Variants in ANKDD1A observed in about 807,000 individuals in gnomAD.
ANKDD1A encodes the protein ankyrin repeat and death domain containing 1A.
ANKDD1A carries 59 observed loss-of-function variants against 63.5 expected under a neutral mutation model. That is an observed-to-expected ratio of 0.93 (90% CI 0.75 to 1.15). The LOEUF (loss-of-function observed/expected upper bound fraction) is 1.15. Ranked by LOEUF, ANKDD1A falls within the 50% of genes most tolerant of loss-of-function variation. The pLI is 0.00. For synonymous variants in ANKDD1A, 266 were observed against 263.9 expected (o/e 1.01, Z -0.08); for missense variants, 632 against 656.4 (o/e 0.96, Z 0.41).
At chr15:64,917,574 G>A in intron 3 of ANKDD1A, 60 bp downstream of exon 3, 2 of 1,517,592 alleles carry the variant, frequency 1.3e-6, no homozygotes, top group Non-Finnish European at 1.8e-6. Flanking sequence ...ATCTCTCTGG[G>A]TCTATGAGCC....
rs116463670 is a variant in ANKDD1A at position 64,934,741 on chromosome 15, C to A, written c.867+507C>A. Among the ~76,000 whole-genome samples the A allele has an allele frequency of 7.7e-3, 1,154 of 149,212 alleles. 14 individuals are homozygous for A. The highest frequency in any genetic ancestry group is 0.027 in the African/African-American group (1,090 of 40,564). On this transcript the variant is annotated intron_variant, in intron 9 of 14. Coordinates refer to ENST00000319580, the MANE Select transcript of ANKDD1A (RefSeq NM_182703.6). ...CCATGTTGGCCAGGCTGGTCTTGAA[C>A]CCCTGACTCAAGTGATTCGCCAGCC...
In ANKDD1A at chr15:64,943,575, G is replaced by A. The variant is rs2085201568; in HGVS notation, c.1058G>A (p.Arg353Lys). The change falls in exon 11 of 15, where the codon AGA becomes AAA. Residue 353 changes from arginine to lysine, a missense_variant. By Grantham distance (26) the Arg-to-Lys change is conservative (BLOSUM62 2). Coordinates refer to ENST00000319580, the MANE Select transcript of ANKDD1A (RefSeq NM_182703.6). ...LLIAGVDLNL[R>K]DKQGKTALAV... The stretch of plus-strand genomic sequence containing the variant: ...ATTGCTGGGGTTGACTTAAACCTGA[G>A]AGATAAGGTACCTCTGCTTACAACC... 3 of 1,614,016 alleles carry A rather than the reference G, an allele frequency of 1.9e-6. No individual in the cohort carries two copies. In the East Asian group the frequency reaches 6.7e-5, roughly 36 times the overall value.
At chr15:64,948,531 A>G (rs575646751) in intron 13 of ANKDD1A, among the ~76,000 whole-genome samples, 5 of 152,138 alleles carry the variant, frequency 3.3e-5, no homozygotes, top group Admixed American at 2.0e-4. Flanking sequence ...AATTAACATA[A>G]AGAGATATCT....
chr15:64,915,741 T>C (rs896162855), intron 1 of ANKDD1A, 56 bp from the exon 2 acceptor site: 12 of 1,484,424 alleles, frequency 8.1e-6, no homozygotes, highest in African/African-American at 1.4e-5. Context: ...TTACCTCTCC[T>C]GTCTGCAGTG....
At chr15:64,949,787 A>G (rs1254548149) in intron 13 of ANKDD1A, 54 bp from the exon 14 acceptor site, 4 of 1,588,358 alleles carry the variant, frequency 2.5e-6, no homozygotes, top group Non-Finnish European at 3.4e-6. Flanking sequence ...CGCTCTGGTC[A>G]AGTGGCCCCA....
chr15:64,930,934 TG>T lies in ANKDD1A; in HGVS notation c.669+18del. 2 of 1,607,584 alleles carry T rather than the reference TG, an allele frequency of 1.2e-6. No homozygotes were observed. The highest frequency in any genetic ancestry group is 8.5e-7 in the Non-Finnish European group (1 of 1,179,498). On this transcript the variant is annotated intron_variant, in intron 7 of 14. Transcript: ENST00000319580. Reference sequence around the variant, plus strand: ...GAGCAGAATGCGGTGAGTCACCGCCTGGGGATGGCGAGATGCATGACCCTTG... The same window carrying T: ...GAGCAGAATGCGGTGAGTCACCGCCTGGGATGGCGAGATGCATGACCCTTG...
Position 64,931,534 on chromosome 15 carries a change from CTG to C in ANKDD1A, c.722_723del (p.Val241AlafsTer47). ...HSAAGGSHPD[C>X]VQLLLRAGST... ...CGGCTGCTGGAGGATCCCACCCTGA[CTG>C]TGTGCAGCTCCTCCTCAGGGCTGGG... On this transcript the variant is annotated frameshift_variant, in exon 8 of 15. Coordinates refer to ENST00000319580, the MANE Select transcript of ANKDD1A (RefSeq NM_182703.6). LOFTEE classifies it high-confidence loss of function. 1.2e-6 allele frequency: 2 copies of C among 1,614,160 alleles called. No homozygotes were observed. The highest frequency in any genetic ancestry group is 1.7e-6 in the Non-Finnish European group (2 of 1,180,020).
intron 13 of ANKDD1A, among the ~76,000 whole-genome samples, chr15:64,949,340 G>T (rs891719452): frequency 6.6e-6 from 1 of 152,238 alleles, no homozygotes; most frequent in Admixed American, 6.5e-5. Flanking sequence ...TGGGCCCTAG[G>T]TGTTTCCAAG....
At chr15:64,948,863 G>GT (rs2085245342) in intron 13 of ANKDD1A, among the ~76,000 whole-genome samples, 1 of 152,106 alleles carries the variant, frequency 6.6e-6, no homozygotes, top group Non-Finnish European at 1.5e-5. Context: ...ACAAAAATAT[G>GT]CAAATTGACA....
intron 14 of ANKDD1A, among the ~76,000 whole-genome samples, chr15:64,953,514 TCTC>T (rs1187975997): frequency 3.8e-5 from 4 of 105,918 alleles, no homozygotes; most frequent in African/African-American, 1.1e-4. Context: ...TCCTCTTCCT[TCTC>T]CTTCTTCCTT....
At chr15:64,952,787 CCTTCTTCTTTTCTTCTCCTT>C (rs2085320812) in intron 14 of ANKDD1A, among the ~76,000 whole-genome samples, 4 of 138,996 alleles carry the variant, frequency 2.9e-5, no homozygotes, top group Admixed American at 7.6e-5. Context: ...TCTTCCTTCT[CCTTCTTCTTTTCTTCTCCTT>C]CTCCTCCTTC....
At chr15:64,954,518 TCTTCTCCTTCTTCCTC>T (rs1372657390) in intron 14 of ANKDD1A, among the ~76,000 whole-genome samples, 2 of 77,000 alleles carry the variant, frequency 2.6e-5, no homozygotes, top group African/African-American at 8.7e-5. Context: ...TTCTCCTCTT[TCTTCTCCTTCTTCCTC>T]CTTCTCCTTC....
chr15:64,912,798 A>T (rs1037983964), intron 1 of ANKDD1A, among the ~76,000 whole-genome samples: 1 of 152,226 alleles, frequency 6.6e-6, no homozygotes, highest in Non-Finnish European at 1.5e-5. Context: ...ATGCTGGCAC[A>T]CTGCATCTAC....
intron 4 of ANKDD1A, 41 bp downstream of exon 4, chr15:64,922,060 C>G (rs751452049): frequency 3.8e-6 from 6 of 1,591,852 alleles, no homozygotes; most frequent in Admixed American, 1.7e-5. Context: ...CTCGGCTCCC[C>G]TGGCCTGGAT....
chr15:64,919,554 A>G (rs1223503776), intron 3 of ANKDD1A, among the ~76,000 whole-genome samples: 1 of 152,226 alleles, frequency 6.6e-6, no homozygotes, highest in Non-Finnish European at 1.5e-5. Context: ...TTCATGAGGA[A>G]GAACTTAAGT....
At chr15:64,939,628 CA>C (rs753538271) in intron 9 of ANKDD1A, among the ~76,000 whole-genome samples, 3 of 151,694 alleles carry the variant, frequency 2.0e-5, no homozygotes, top group Non-Finnish European at 2.9e-5. Context: ...AAATAAAAAG[CA>C]AAAAAAATAT....
chr15:64,954,165 TCTTTC>T lies in ANKDD1A; in HGVS notation c.1484-2937_1484-2933del. Among the ~76,000 whole-genome samples the T allele has an allele frequency of 3.2e-5, 4 of 125,400 alleles. No homozygotes were observed. In the East Asian group the frequency reaches 8.4e-4, roughly 26 times the overall value. The allele number at this position is 125,400 out of a possible 152,430, so 82.3% of individuals were successfully genotyped here. ...CTTCTTGTTCCTTATTATTCTTTCT[TCTTTC>T]TTTTCTTCTTCTTCTCCTTCTTTCT... On this transcript the variant is annotated intron_variant, in intron 14 of 14. Coordinates refer to ENST00000319580, the MANE Select transcript of ANKDD1A (RefSeq NM_182703.6).
At chr15:64,952,304 CTTCG>C (rs1305579941) in intron 14 of ANKDD1A, among the ~76,000 whole-genome samples, 1 of 145,330 alleles carries the variant, frequency 6.9e-6, no homozygotes, top group Non-Finnish European at 1.5e-5. Context: ...TCTCCTCCTC[CTTCG>C]TTCTTTTTCT....
intron 13 of ANKDD1A, among the ~76,000 whole-genome samples, 176 bp downstream of exon 13, chr15:64,947,769 A>C (rs1051454287): frequency 8.5e-5 from 13 of 152,212 alleles, no homozygotes; most frequent in Non-Finnish European, 1.8e-4. Flanking sequence ...CACAGGGTGC[A>C]CACTCTGCCT....
Sources: allele counts gnomAD v4.1 joint callset (sites outside exome capture counted in the v4.1 genomes callset), GRCh38; gene constraint gnomAD v4.1.1; transcripts MANE v1.5; gene names NCBI Gene and HGNC (gene_info 2026-07-23, HGNC 2026-07-21).